The following SLC9A6 variants were observed in gnomAD, a reference collection of about 807,000 sequenced individuals.
SLC9A6 encodes sodium/hydrogen exchanger 6.
In SLC9A6, 6 loss-of-function variants were observed where a neutral mutation model predicts 45.3. The ratio of observed to expected loss-of-function variants is 0.13; its 90% CI spans 0.07 to 0.26. The LOEUF (loss-of-function observed/expected upper bound fraction) is 0.26. Ranked by LOEUF, SLC9A6 falls within the 10% of genes least tolerant of loss-of-function variation. The pLI, the probability that SLC9A6 is intolerant of heterozygous loss-of-function variation, is 1.00. For synonymous variants in SLC9A6, 191 were observed against 187.7 expected (o/e 1.02, Z -0.14); for missense variants, 278 against 503.7 (o/e 0.55, Z 4.29).
At chrX:135,983,189 A>T (rs2089294801), upstream of SLC9A6, among the ~76,000 whole-genome samples, 1 of 111,741 alleles carries the variant, frequency 8.9e-6, no homozygotes, top group Non-Finnish European at 1.9e-5. Context: ...AGGCCACCTG[A>T]TGCAGGGTGT....
intron 2 of SLC9A6, among the ~76,000 whole-genome samples, chrX:135,993,032 G>A (rs2089454752): frequency 8.9e-6 from 1 of 112,109 alleles, no homozygotes; most frequent in African/African-American, 3.2e-5. Context: ...ATGGAGTTAA[G>A]GAAAGTTCCA....
intron 6 of SLC9A6, among the ~76,000 whole-genome samples, chrX:136,000,663 C>A (rs2089568431): frequency 8.9e-6 from 1 of 111,916 alleles, no homozygotes; most frequent in African/African-American, 3.2e-5. Flanking sequence ...TAAGTACTTG[C>A]CCCATTTCTA....
In SLC9A6 at chrX:135,994,981, G is replaced by A. The variant is rs1244350911; in HGVS notation, c.365G>A (p.Arg122Lys). Reference sequence around the variant, plus strand: ...AATGTTCAAGATAATGAAATGCTTAGAAAGGTAAGTTCTTAAAGGAAATCT... The same window carrying A: ...AATGTTCAAGATAATGAAATGCTTAAAAAGGTAAGTTCTTAAAGGAAATCT... ...LNNVQDNEML[R>K]KVTFDPEVFF... The change falls in exon 3 of 18, where the codon AGA becomes AAA. Residue 122 changes from arginine to lysine, a missense_variant. Transcript: ENST00000630721. The A allele has an allele frequency of 8.6e-7, 1 of 1,166,110 alleles. No homozygotes were observed. Among genetic ancestry groups the A allele is most frequent in the Non-Finnish European group, 1.2e-6 (1 of 855,670 alleles).
At chrX:135,992,208 A>G (rs2089443500) in intron 2 of SLC9A6, among the ~76,000 whole-genome samples, 1 of 111,361 alleles carries the variant, frequency 9.0e-6, no homozygotes, top group African/African-American at 3.3e-5. Context: ...TTACCAAATC[A>G]ATTAAGGTTC....
At chrX:136,022,447 T>C in intron 11 of SLC9A6, 139 bp from the exon 12 acceptor site, 1 of 391,963 alleles carries the variant, frequency 2.6e-6, no homozygotes, top group Non-Finnish European at 4.6e-6. Flanking sequence ...TGTTGGACAG[T>C]GTTATGTTAG....
chrX:135,979,438 C>T (rs2089276951), intron 1 of SLC9A6, among the ~76,000 whole-genome samples: 1 of 111,709 alleles, frequency 9.0e-6, no homozygotes, highest in Admixed American at 9.5e-5. Context: ...GACATCCGTT[C>T]TTGGATATCC....
At chrX:136,002,641 A>G (rs2089599363) in intron 7 of SLC9A6, among the ~76,000 whole-genome samples, 2 of 109,272 alleles carry the variant, frequency 1.8e-5, no homozygotes, top group Admixed American at 2.0e-4. Flanking sequence ...GGCTCAGTGC[A>G]ACCTCTGCCT....
chrX:135,985,206 A>AG (rs782194027), upstream of SLC9A6: 1 of 238,312 alleles, frequency 4.2e-6, no homozygotes, highest in Admixed American at 7.0e-5. Context: ...CAAAGTAGAA[A>AG]GCGCAGTCTG....
At chrX:136,012,248 G>A (rs1603207643) in intron 8 of SLC9A6, among the ~76,000 whole-genome samples, 1 of 112,892 alleles carries the variant, frequency 8.9e-6, no homozygotes, top group East Asian at 2.8e-4. Context: ...AGTGAACTGA[G>A]GCATAAAGCA....
intron 13 of SLC9A6, 119 bp from the exon 14 acceptor site, chrX:136,028,767 T>G: frequency 3.7e-6 from 1 of 273,231 alleles, no homozygotes; most frequent in East Asian, 5.3e-5. Flanking sequence ...ATTTTCTCCC[T>G]TCAGTGTTAT....
chrX:136,009,874 C>T (rs782638458), intron 7 of SLC9A6, among the ~76,000 whole-genome samples: 31 of 111,781 alleles, frequency 2.8e-4, no homozygotes, highest in Non-Finnish European at 4.3e-4. Flanking sequence ...GGAGGTCTTT[C>T]GAGTGCTTTT....
chrX:136,026,709 T>A (rs2071233524), intron 13 of SLC9A6, among the ~76,000 whole-genome samples: 1 of 111,420 alleles, frequency 9.0e-6, no homozygotes, highest in Admixed American at 9.5e-5. Context: ...CTAATTTTTG[T>A]ATTTTTAGTA....
intron 6 of SLC9A6, among the ~76,000 whole-genome samples, chrX:136,000,527 G>C (rs782241098): frequency 5.2e-4 from 58 of 111,567 alleles, no homozygotes; most frequent in Non-Finnish European, 9.0e-4. Context: ...CTGAGTCCAT[G>C]AGTCCATTGG....
At chrX:135,985,196 C>G, upstream of SLC9A6, 1 of 230,353 alleles carries the variant, frequency 4.3e-6, no homozygotes, top group East Asian at 7.3e-5. Context: ...AGAATAGGAT[C>G]AAAGTAGAAA....
exon 1 of SLC9A6, chrX:135,974,653 A>G (rs2089251473): frequency 1.5e-5 from 5 of 341,289 alleles, no homozygotes; most frequent in Non-Finnish European, 2.4e-5. Flanking sequence ...CCTGTGCTTC[A>G]GCTCCCTGGA....
chrX:136,038,559 A>G (rs1014049113), intron 16 of SLC9A6, among the ~76,000 whole-genome samples: 9 of 111,113 alleles, frequency 8.1e-5, no homozygotes, highest in Non-Finnish European at 1.5e-4. Context: ...TCATAAAATG[A>G]ATCAGGAAGT....
At position 136,012,632 on chromosome X, in the gene SLC9A6, G is replaced by A. The variant is rs943482000; in HGVS notation, c.886-317G>A. On this transcript the variant is annotated intron_variant, in intron 8 of 17. Transcript: ENST00000630721. ...AGCTTTGGGTCTCAGATTAATAGAG[G>A]TGGCATGTTATAGATCTGATCTGTT... Among the ~76,000 whole-genome samples, 4 of 112,450 alleles carry A rather than the reference G, an allele frequency of 3.6e-5. No homozygotes were observed. The South Asian group carries it at 1.5e-3, about 41-fold the overall frequency.
In SLC9A6 at chrX:136,010,754, A is replaced by G. The variant is rs782454590; in HGVS notation, c.885+171A>G. 3.7e-4 allele frequency among the ~76,000 whole-genome samples: 42 copies of G among 112,528 alleles called. No homozygotes were observed. In the South Asian group the frequency reaches 5.8e-3, roughly 16 times the overall value. On this transcript the variant is annotated intron_variant, in intron 8 of 17. Transcript: ENST00000630721. ...AACAGTCTTTGCCAATAAATAAATA[A>G]AAGAACTGTATTGTTCTGCATAGGG...
chrX:136,034,404 A>G (rs2071380296), intron 16 of SLC9A6, among the ~76,000 whole-genome samples: 1 of 111,654 alleles, frequency 9.0e-6, no homozygotes, highest in African/African-American at 3.2e-5. Flanking sequence ...GTCTTCCACA[A>G]AACCGGTCCC....
Sources: allele counts gnomAD v4.1 joint callset (sites outside exome capture counted in the v4.1 genomes callset), GRCh38; gene constraint gnomAD v4.1.1; transcripts MANE v1.5; gene names NCBI Gene and HGNC (gene_info 2026-07-23, HGNC 2026-07-21).